The following PRKAG2 variants were observed in gnomAD, a reference collection of about 807,000 sequenced individuals.
PRKAG2 encodes protein kinase AMP-activated non-catalytic subunit gamma 2.
Under a neutral mutation model 69.6 loss-of-function variants are expected in PRKAG2, and 26 were observed. The ratio of observed to expected loss-of-function variants is 0.37; its 90% CI spans 0.27 to 0.52. PRKAG2 has a LOEUF of 0.52. PRKAG2 is among the 20% of genes least tolerant of loss of function. The pLI is 0.90. For synonymous variants in PRKAG2, 293 were observed against 285.0 expected, an observed-to-expected ratio of 1.03 and a Z score of -0.28; for missense variants, 557 against 740.0, an observed-to-expected ratio of 0.75 and a Z score of 2.87.
chr7:151,855,218 A>G (rs1194752263), intron 1 of PRKAG2, among the ~76,000 whole-genome samples: 1 of 114,642 alleles, frequency 8.7e-6, no homozygotes, highest in Non-Finnish European at 1.9e-5. Context: ...CTCCACACAC[A>G]CCACGCTCCA....
At chr7:151,655,430 C>T (rs1004941800) in intron 4 of PRKAG2, among the ~76,000 whole-genome samples, 9 of 152,208 alleles carry the variant, frequency 5.9e-5, no homozygotes, top group African/African-American at 2.2e-4. Flanking sequence ...AAGAAGCCCA[C>T]AGCTGCTTGG....
At chr7:151,831,105 T>C (rs962343451) in intron 1 of PRKAG2, among the ~76,000 whole-genome samples, 36 of 152,194 alleles carry the variant, frequency 2.4e-4, no homozygotes, top group Admixed American at 1.6e-3. Flanking sequence ...TACAAATAAA[T>C]TGCAATCCTC....
rs529493739 is a variant in PRKAG2, at chr7:151,639,281, C to G, written c.685-7143G>C. ...CTCCCCTGTTTCAGGCTTCCATTTTCTCAGGGTTGGCCAGCCGGGCAGCTT... is the reference window on the plus strand; with the variant it reads ...CTCCCCTGTTTCAGGCTTCCATTTTGTCAGGGTTGGCCAGCCGGGCAGCTT... On this transcript the variant is annotated intron_variant, in intron 4 of 15. Coordinates refer to ENST00000287878, the MANE Select transcript of PRKAG2 (RefSeq NM_016203.4). Among the ~76,000 whole-genome samples, 4 of 152,336 alleles carry G rather than the reference C, an allele frequency of 2.6e-5. No individual in the cohort carries two copies. The South Asian group carries it at 8.3e-4, about 32-fold the overall frequency.
chr7:151,624,137 C>CGT (rs58644630), intron 5 of PRKAG2, among the ~76,000 whole-genome samples: 2,844 of 145,126 alleles, frequency 0.02, 53 homozygotes, highest in South Asian at 0.049. Context: ...CAGAAGGCAG[C>CGT]GTGTGTGTGT....
chr7:151,632,148 A>G lies in PRKAG2; in HGVS notation c.685-10T>C. On this transcript the variant is annotated splice_polypyrimidine_tract_variant and intron_variant, in intron 4 of 15. Coordinates refer to ENST00000287878, the MANE Select transcript of PRKAG2 (RefSeq NM_016203.4). This position sits in a 1 kb window ranked among gnomAD's most constrained non-coding sequence, Gnocchi z 4.2. ...CCGCCGCCAGCGCCGCCTGAGGGGG[A>G]GGAGGAGGACAGCGATCAGCATGAG... 1.4e-6 allele frequency: 2 copies of G among 1,385,776 alleles called. No homozygotes were observed. Among genetic ancestry groups the G allele is most frequent in the Non-Finnish European group, 1.9e-6 (2 of 1,055,982 alleles). The allele number at this position is 1,385,776 out of a possible 1,614,324, so 85.8% of individuals were successfully genotyped here. A position where few individuals can be genotyped will look rare whatever the true frequency, so the allele number is the denominator to read the frequency against.
chr7:151,561,586 T>TCTGTAACAGGCCTTTCA, intron 14 of PRKAG2, among the ~76,000 whole-genome samples: 1 of 152,370 alleles, frequency 6.6e-6, no homozygotes, highest in Middle Eastern at 3.4e-3. Context: ...TTGAGGTGTT[T>TCTGTAACAGGCCTTTCA]CTGTAACAGG....
intron 3 of PRKAG2, among the ~76,000 whole-genome samples, chr7:151,743,016 C>T (rs1460723300): frequency 2.6e-5 from 4 of 152,130 alleles, no homozygotes; most frequent in Admixed American, 6.5e-5. Context: ...CACTCACAGG[C>T]GGATGGGGAC....
chr7:151,606,334 C>T (rs913027231), intron 5 of PRKAG2, among the ~76,000 whole-genome samples: 5 of 152,106 alleles, frequency 3.3e-5, no homozygotes, highest in African/African-American at 1.2e-4. Context: ...TGTCGCTTTT[C>T]TACTTTTAGT....
At chr7:151,840,977 T>A (rs1282067335) in intron 1 of PRKAG2, among the ~76,000 whole-genome samples, 1 of 152,118 alleles carries the variant, frequency 6.6e-6, no homozygotes, top group African/African-American at 2.4e-5. Flanking sequence ...GATTGACTGA[T>A]TGATTGGTTA....
intron 4 of PRKAG2, among the ~76,000 whole-genome samples, chr7:151,648,261 C>T (rs986343129): frequency 3.3e-5 from 5 of 152,216 alleles, no homozygotes; most frequent in Middle Eastern, 3.4e-3. Flanking sequence ...ACTTAAACCC[C>T]CAAGTCTTCC....
chr7:151,581,928 A>G (rs78295525), intron 6 of PRKAG2, among the ~76,000 whole-genome samples: 7 of 152,356 alleles, frequency 4.6e-5, no homozygotes, highest in Non-Finnish European at 8.8e-5. Context: ...ACTGTGAACA[A>G]CACAAACAGG....
In PRKAG2 at chr7:151,632,477, G is replaced by GC. The variant is rs895738951; in HGVS notation, c.685-340dup. On this transcript the variant is annotated intron_variant, in intron 4 of 15. Transcript: ENST00000287878. This position sits in a 1 kb window ranked among gnomAD's most constrained non-coding sequence, Gnocchi z 4.2. The stretch of plus-strand genomic sequence containing the variant: ...GGGCGGCAGCGCCTGGGCCCGGGGC[G>GC]CCCCCCTCCGGCCGTGGCCCGCGTC... 6 of 772,710 alleles carry GC rather than the reference G, an allele frequency of 7.8e-6. No individual in the cohort carries two copies. The highest frequency in any genetic ancestry group is 5.9e-5 in the South Asian group (1 of 17,092). The allele number at this position is 772,710 out of a possible 1,614,324, so 47.9% of individuals were successfully genotyped here.
intron 1 of PRKAG2, among the ~76,000 whole-genome samples, chr7:151,860,895 G>T (rs1203772367): frequency 6.6e-6 from 1 of 152,106 alleles, no homozygotes; most frequent in African/African-American, 2.4e-5. Context: ...GGTGCAGGCA[G>T]ACGAGACTCC....
At chr7:151,678,462 C>T (rs998314246) in intron 3 of PRKAG2, among the ~76,000 whole-genome samples, 8 of 152,032 alleles carry the variant, frequency 5.3e-5, no homozygotes, top group Admixed American at 2.6e-4. Flanking sequence ...TTTGTGTGTC[C>T]GGGGGAGGTT....
intron 1 of PRKAG2, among the ~76,000 whole-genome samples, chr7:151,786,958 G>A (rs1054652896): frequency 1.3e-5 from 2 of 152,202 alleles, no homozygotes; most frequent in Non-Finnish European, 1.5e-5. Flanking sequence ...ACAGGGATGG[G>A]GAGGGTGACA....
chr7:151,641,118 A>T (rs6975294), intron 4 of PRKAG2, among the ~76,000 whole-genome samples: 5,253 of 152,210 alleles, frequency 0.035, 214 homozygotes, highest in East Asian at 0.2. Flanking sequence ...TTTTTATTGT[A>T]ATAGATTCTA....
intron 4 of PRKAG2, among the ~76,000 whole-genome samples, chr7:151,650,713 T>A (rs1000121594): frequency 2.0e-5 from 3 of 152,158 alleles, no homozygotes; most frequent in African/African-American, 7.2e-5. Context: ...TTAATTCACA[T>A]CAACAAGGCA....
chr7:151,831,984 C>T (rs1011731092), intron 1 of PRKAG2, among the ~76,000 whole-genome samples: 2 of 152,096 alleles, frequency 1.3e-5, no homozygotes, highest in Non-Finnish European at 2.9e-5. Context: ...ACACTGGGGC[C>T]TCCACTCGGC....
intron 4 of PRKAG2, among the ~76,000 whole-genome samples, chr7:151,673,320 CCCTT>C (rs1832368582): frequency 6.6e-6 from 1 of 152,162 alleles, no homozygotes; most frequent in Non-Finnish European, 1.5e-5. Context: ...AGAAGGTTCT[CCCTT>C]CCCTCTCCCT....
Sources: gnomAD v4.1 joint callset for allele counts (sites outside exome capture counted in the v4.1 genomes callset) on GRCh38, gnomAD v4.1.1 for gene constraint, Gnocchi (gnomAD v3.1) non-coding constraint, MANE v1.5 for transcripts, NCBI Gene and HGNC (gene_info 2026-07-23, HGNC 2026-07-21) for gene names.